PALS2: variants seen among roughly 807,000 people sequenced by gnomAD.
PALS2 encodes the protein protein associated with LIN7 2, MAGUK p55 family member, also known as protein PALS2.
A neutral mutation model predicts 61.6 loss-of-function variants in PALS2; 27 were observed. The observed-to-expected ratio is 0.44, with a 90% CI of 0.32 to 0.60. The LOEUF (loss-of-function observed/expected upper bound fraction) is 0.60, where lower values mean the gene tolerates loss of function less well. Among genes scored for constraint, PALS2 ranks in the 20% least tolerant of loss-of-function variants. The pLI, the probability that PALS2 is intolerant of heterozygous loss-of-function variation, is 0.05. For synonymous variants in PALS2, 236 were observed against 218.6 expected, an observed-to-expected ratio of 1.08 and a Z score of -0.70; for missense variants, 554 against 639.4, an observed-to-expected ratio of 0.87 and a Z score of 1.44.
At chr7:24,644,762 A>G (rs1464339733) in intron 3 of PALS2, among the ~76,000 whole-genome samples, 2 of 152,072 alleles carry the variant, frequency 1.3e-5, no homozygotes, top group Non-Finnish European at 2.9e-5. Context: ...CATTCCCACC[A>G]AGAAGGTACG....
At position 24,648,202 on chromosome 7, in the gene PALS2, T is replaced by C. The variant is rs1785942738; in HGVS notation, c.271-1410T>C. ...ATTTGCTTCTTTCTATTTTGATTTA[T>C]TGTTTTTGAACTTGAATTCTATCCA... On this transcript the variant is annotated intron_variant, in intron 3 of 11. Coordinates refer to ENST00000222644, the MANE Select transcript of PALS2 (RefSeq NM_001303037.2). Among the ~76,000 whole-genome samples the C allele has an allele frequency of 2.0e-5, 3 of 152,190 alleles. No homozygotes were observed. The South Asian group carries it at 6.2e-4, about 32-fold the overall frequency.
chr7:24,599,505 CTTT>C (rs1159029178), intron 1 of PALS2, among the ~76,000 whole-genome samples: 4 of 116,602 alleles, frequency 3.4e-5, no homozygotes, highest in Admixed American at 2.6e-4. Flanking sequence ...CTTCTATAAG[CTTT>C]TTTTTTTTTT....
At chr7:24,677,210 T>G (rs546174508) in intron 9 of PALS2, among the ~76,000 whole-genome samples, 3 of 152,300 alleles carry the variant, frequency 2.0e-5, no homozygotes, top group Admixed American at 2.0e-4. Flanking sequence ...GTGATTTTTA[T>G]GCATTGATTT....
chr7:24,611,491 A>G (rs532050291), intron 1 of PALS2, among the ~76,000 whole-genome samples: 1 of 152,190 alleles, frequency 6.6e-6, no homozygotes, highest in Admixed American at 6.5e-5. Context: ...CTGTGAAACT[A>G]TGCCACCAAG....
At chr7:24,622,790 C>T (rs575918730) in intron 1 of PALS2, among the ~76,000 whole-genome samples, 1 of 150,478 alleles carries the variant, frequency 6.6e-6, no homozygotes, top group African/African-American at 2.4e-5. Context: ...GGAGTAAAAG[C>T]ACCATTAAGT....
At chr7:24,581,219 C>G (rs1292423533) in intron 1 of PALS2, among the ~76,000 whole-genome samples, 1 of 150,684 alleles carries the variant, frequency 6.6e-6, no homozygotes, top group East Asian at 2.0e-4. Flanking sequence ...TGAAATCTTT[C>G]AGCTCTGTGT....
chr7:24,657,673 G>A (rs1786492722), intron 5 of PALS2, among the ~76,000 whole-genome samples: 1 of 152,108 alleles, frequency 6.6e-6, no homozygotes, highest in African/African-American at 2.4e-5. Flanking sequence ...TCTTAACAAT[G>A]TCATTCAAAG....
At chr7:24,652,743 T>C (rs1163819732) in intron 5 of PALS2, among the ~76,000 whole-genome samples, 2 of 152,158 alleles carry the variant, frequency 1.3e-5, no homozygotes, top group Admixed American at 1.3e-4. Context: ...ATCTCCACCA[T>C]GTAGTGCTGT....
chr7:24,624,220 G>A (rs1218988388), intron 2 of PALS2: 3 of 953,210 alleles, frequency 3.1e-6, no homozygotes, highest in Non-Finnish European at 4.2e-6. Context: ...GCATAAGCCT[G>A]GTATTTTAAG....
intron 2 of PALS2, among the ~76,000 whole-genome samples, chr7:24,639,421 C>G (rs1169160217): frequency 1.3e-5 from 2 of 151,974 alleles, no homozygotes; most frequent in African/African-American, 4.8e-5. Context: ...CACACACACA[C>G]ACACACACAC....
chr7:24,579,432 A>C (rs1231906704), intron 1 of PALS2, among the ~76,000 whole-genome samples: 1 of 152,212 alleles, frequency 6.6e-6, no homozygotes, highest in Admixed American at 6.5e-5. Flanking sequence ...AAGTTAATGC[A>C]CAACTTATTT....
intron 10 of PALS2, 90 bp downstream of exon 10, chr7:24,679,423 T>C: frequency 1.5e-6 from 2 of 1,369,100 alleles, no homozygotes; most frequent in South Asian, 2.7e-5. Flanking sequence ...TGGGGTTGTT[T>C]GTTTTGTCAG....
chr7:24,656,856 T>C (rs983463225), intron 5 of PALS2, among the ~76,000 whole-genome samples: 1 of 152,204 alleles, frequency 6.6e-6, no homozygotes, highest in Non-Finnish European at 1.5e-5. Context: ...TGTCCACTTC[T>C]CATTCTTCCC....
intron 9 of PALS2, among the ~76,000 whole-genome samples, chr7:24,669,628 T>C (rs2057993): frequency 0.069 from 10,530 of 152,252 alleles, 450 homozygotes; most frequent in African/African-American, 0.11. Context: ...ACTTTAACCC[T>C]ATCTCTTTTA....
chr7:24,600,458 T>G (rs1783679434), intron 1 of PALS2, among the ~76,000 whole-genome samples: 1 of 152,214 alleles, frequency 6.6e-6, no homozygotes. Context: ...AAAGGTTTGT[T>G]ATTTTAAGTA....
chr7:24,627,878 A>G (rs867138313), intron 2 of PALS2, among the ~76,000 whole-genome samples: 4 of 152,182 alleles, frequency 2.6e-5, no homozygotes, highest in South Asian at 4.1e-4. Flanking sequence ...CAGTAATAAT[A>G]GCCTACCAAC....
At chr7:24,652,105 T>C (rs17149776) in intron 5 of PALS2, among the ~76,000 whole-genome samples, 2,431 of 152,280 alleles carry the variant, frequency 0.016, 70 homozygotes, top group African/African-American at 0.056. Flanking sequence ...TTGGCAACTT[T>C]CAATTTGTGA....
chr7:24,625,568 A>G (rs957693559), intron 2 of PALS2, among the ~76,000 whole-genome samples: 1 of 152,166 alleles, frequency 6.6e-6, no homozygotes, highest in African/African-American at 2.4e-5. Flanking sequence ...TCTGTGTTCT[A>G]CCTACTCCAA....
At chr7:24,580,335 T>G (rs1456544451) in intron 1 of PALS2, among the ~76,000 whole-genome samples, 1 of 152,160 alleles carries the variant, frequency 6.6e-6, no homozygotes, top group Non-Finnish European at 1.5e-5. Context: ...ATGTTTATAT[T>G]GTTAAAATCC....
Sources: gnomAD v4.1 joint callset for allele counts (sites outside exome capture counted in the v4.1 genomes callset) on GRCh38, gnomAD v4.1.1 for gene constraint, MANE v1.5 for transcripts, NCBI Gene and HGNC (gene_info 2026-07-23, HGNC 2026-07-21) for gene names.